SEC11A: variants seen among roughly 807,000 people sequenced by gnomAD.
SEC11A encodes SEC11 homolog A, signal peptidase complex subunit, also known as signal peptidase complex catalytic subunit SEC11A.
In SEC11A, 14 loss-of-function variants were observed where a neutral mutation model predicts 25.6. That is an observed-to-expected ratio of 0.55 (90% CI 0.36 to 0.85). The LOEUF is 0.85. Ranked by LOEUF, SEC11A falls within the 40% of genes least tolerant of loss-of-function variation. SEC11A has a pLI of 0.01. For synonymous variants in SEC11A, 83 were observed against 76.4 expected (o/e 1.09, Z -0.45); for missense variants, 153 against 222.9 (o/e 0.69, Z 2.00).
chr15:84,674,170 G>A (rs921942410), intron 4 of SEC11A, among the ~76,000 whole-genome samples: 5 of 151,298 alleles, frequency 3.3e-5, no homozygotes, highest in African/African-American at 7.3e-5. Context: ...AGAATGGCAC[G>A]GCTAAGCTCT....
chr15:84,688,108 T>C (rs2141890569), intron 2 of SEC11A, among the ~76,000 whole-genome samples: 1 of 152,324 alleles, frequency 6.6e-6, no homozygotes, highest in South Asian at 2.1e-4. Flanking sequence ...AAGAATGAAC[T>C]TTAAAACAAT....
In SEC11A at chr15:84,685,413, G is replaced by A. The variant is rs1019069889; in HGVS notation, c.311+2212C>T. Among the ~76,000 whole-genome samples, 17 of 149,178 alleles carry A rather than the reference G, an allele frequency of 1.1e-4. No individual in the cohort carries two copies. The Admixed American group carries it at 1.1e-3, about 10-fold the overall frequency. On this transcript the variant is annotated intron_variant, in intron 3 of 5. Transcript: ENST00000268220. ...GCTGGGACTACAAGTGCACACCACC[G>A]TGCCTGACTCATTTTTTTTTTTTTT...
chr15:84,709,545 C>T (rs751815581), intron 1 of SEC11A, among the ~76,000 whole-genome samples: 4 of 151,586 alleles, frequency 2.6e-5, no homozygotes, highest in Non-Finnish European at 5.9e-5. Context: ...TGGGTTCAAG[C>T]GATTCTTCTG....
At chr15:84,695,088 T>TAA (rs55789527) in intron 1 of SEC11A, among the ~76,000 whole-genome samples, 762 of 26,956 alleles carry the variant, frequency 0.028, 41 homozygotes, top group African/African-American at 0.039. Context: ...AGACTCCATC[T>TAA]AAAAAAAAAA....
chr15:84,699,229 G>A (rs2141908187), intron 1 of SEC11A, among the ~76,000 whole-genome samples: 1 of 147,748 alleles, frequency 6.8e-6, no homozygotes, highest in Non-Finnish European at 1.5e-5. Flanking sequence ...GTGGGAGGAT[G>A]ACTTGAACCT....
intron 1 of SEC11A, among the ~76,000 whole-genome samples, chr15:84,702,925 G>C (rs762438158): frequency 2.0e-5 from 3 of 152,074 alleles, no homozygotes; most frequent in Admixed American, 6.6e-5. Context: ...CCCATTTTAA[G>C]CCAGTTTTAA....
intron 2 of SEC11A, 27 bp downstream of exon 2, chr15:84,691,508 C>G: frequency 7.7e-7 from 1 of 1,291,402 alleles, no homozygotes; most frequent in Non-Finnish European, 1.1e-6. Flanking sequence ...CCATGCAATT[C>G]CATGCCTTGA....
At chr15:84,687,572 C>T in intron 3 of SEC11A, 53 bp downstream of exon 3, 2 of 1,451,380 alleles carry the variant, frequency 1.4e-6, no homozygotes, top group Non-Finnish European at 9.1e-7. Context: ...CTAAATACCA[C>T]AAACACTTAA....
At chr15:84,715,114 T>G (rs1263367687) in intron 1 of SEC11A, among the ~76,000 whole-genome samples, 1 of 152,116 alleles carries the variant, frequency 6.6e-6, no homozygotes, top group Non-Finnish European at 1.5e-5. Flanking sequence ...GTGTATCTAC[T>G]TCCCTAAGTG....
At chr15:84,673,173 G>A (rs1231689676) in intron 4 of SEC11A, 4 of 175,242 alleles carry the variant, frequency 2.3e-5, no homozygotes, top group Admixed American at 6.4e-5. Flanking sequence ...CGTCCGGGAG[G>A]TGAGGGGCGC....
chr15:84,702,102 G>T (rs984737009), intron 1 of SEC11A, among the ~76,000 whole-genome samples: 2 of 151,490 alleles, frequency 1.3e-5, no homozygotes, highest in African/African-American at 4.9e-5. Context: ...TAATAGGGAG[G>T]TAAGTTCATC....
chr15:84,704,294 C>T (rs1050881751), intron 1 of SEC11A, among the ~76,000 whole-genome samples: 1 of 152,182 alleles, frequency 6.6e-6, no homozygotes, highest in Non-Finnish European at 1.5e-5. Context: ...GGGGGACTTA[C>T]TTTATAGCAA....
At chr15:84,711,338 T>C (rs1254109510) in intron 1 of SEC11A, among the ~76,000 whole-genome samples, 2 of 151,756 alleles carry the variant, frequency 1.3e-5, no homozygotes, top group African/African-American at 4.8e-5. Context: ...GCCAAGATCC[T>C]GCCGCTGTAC....
chr15:84,676,464 AT>A (rs768514639), intron 4 of SEC11A, among the ~76,000 whole-genome samples: 9,590 of 118,796 alleles, frequency 0.081, 379 homozygotes, highest in African/African-American at 0.1. Context: ...AAAAAAAAAA[AT>A]TTTTTTTTTT....
chr15:84,682,517 C>T (rs558785395), intron 3 of SEC11A, among the ~76,000 whole-genome samples: 4 of 152,182 alleles, frequency 2.6e-5, no homozygotes, highest in African/African-American at 9.6e-5. Context: ...GGCATGATCT[C>T]GGCTCACTGC....
intron 1 of SEC11A, among the ~76,000 whole-genome samples, chr15:84,693,707 C>T (rs748191415): frequency 8.5e-5 from 13 of 152,078 alleles, no homozygotes; most frequent in East Asian, 1.9e-4. Flanking sequence ...GCAATCCACC[C>T]GCCTTGACGT....
chr15:84,709,645 G>A (rs983252962), intron 1 of SEC11A, among the ~76,000 whole-genome samples: 9 of 152,052 alleles, frequency 5.9e-5, no homozygotes, highest in Admixed American at 2.6e-4. Flanking sequence ...GCTTCACTAC[G>A]TTGGCCAGGC....
intron 4 of SEC11A, among the ~76,000 whole-genome samples, chr15:84,678,134 T>G (rs1017128612): frequency 6.6e-6 from 1 of 151,482 alleles, no homozygotes; most frequent in Non-Finnish European, 1.5e-5. Flanking sequence ...GAGGCAGAGG[T>G]TGCAATAAGC....
chr15:84,681,433 C>T (rs1438446064), intron 3 of SEC11A, among the ~76,000 whole-genome samples: 1 of 152,042 alleles, frequency 6.6e-6, no homozygotes, highest in Non-Finnish European at 1.5e-5. Flanking sequence ...AGTTCGAGAC[C>T]AGCCTGGCCA....
Sources: allele counts gnomAD v4.1 joint callset (sites outside exome capture counted in the v4.1 genomes callset), GRCh38; gene constraint gnomAD v4.1.1; transcripts MANE v1.5; gene names NCBI Gene and HGNC (gene_info 2026-07-23, HGNC 2026-07-21).